NKAIN3: variants seen among roughly 807,000 people sequenced by gnomAD.
NKAIN3 encodes sodium/potassium transporting ATPase interacting 3, also known as sodium/potassium-transporting ATPase subunit beta-1-interacting protein 3.
In NKAIN3, 25 loss-of-function variants were observed where a neutral mutation model predicts 30.2. The ratio of observed to expected loss-of-function variants is 0.83; its 90% CI spans 0.60 to 1.16. NKAIN3 has a LOEUF of 1.16. Among genes scored for constraint, NKAIN3 ranks in the 50% most tolerant of loss-of-function variants. The probability of loss-of-function intolerance (pLI) is 0.00; values close to 1 mark genes in which losing one functional copy is unlikely to be tolerated. For missense variants in NKAIN3, 225 were observed against 254.1 expected (o/e 0.89, Z 0.78); for synonymous variants, 91 against 89.6 (o/e 1.02, Z -0.09).
rs192738617 is a variant in NKAIN3 at position 62,808,947 on chromosome 8, A to C, written c.471+61818A>C. 4.6e-3 allele frequency among the ~76,000 whole-genome samples: 699 copies of C among 152,248 alleles called. 3 individuals carry two copies. Among genetic ancestry groups the C allele is most frequent in the Middle Eastern group, 0.034 (10 of 294 alleles). On this transcript the variant is annotated intron_variant, in intron 4 of 6. Coordinates refer to ENST00000623646, the MANE Select transcript of NKAIN3 (RefSeq NM_001304533.3). ...GCTACGGGAGACCAGGGCTTATTTC[A>C]TCCCTTATCTGCAACTGTATAAGAC...
At chr8:62,582,138 C>CCTTT (rs1810324608) in intron 2 of NKAIN3, among the ~76,000 whole-genome samples, 1 of 120,144 alleles carries the variant, frequency 8.3e-6, no homozygotes, top group Non-Finnish European at 2.0e-5. Context: ...TTCCTTTCTT[C>CCTTT]CTTCCTTCCT....
chr8:62,798,075 G>A (rs1195373163), intron 4 of NKAIN3, among the ~76,000 whole-genome samples: 1 of 152,126 alleles, frequency 6.6e-6, no homozygotes, highest in African/African-American at 2.4e-5. Context: ...ACATGAAGAA[G>A]TTAAAAAATG....
intron 4 of NKAIN3, among the ~76,000 whole-genome samples, chr8:62,783,480 G>C (rs1213164702): frequency 6.6e-6 from 1 of 152,080 alleles, no homozygotes; most frequent in African/African-American, 2.4e-5. Context: ...GTTATAGCAG[G>C]TGGAGCAGAA....
At chr8:62,455,656 C>T (rs1805791439) in intron 1 of NKAIN3, among the ~76,000 whole-genome samples, 1 of 152,020 alleles carries the variant, frequency 6.6e-6, no homozygotes, top group South Asian at 2.1e-4. Context: ...GTACTTGTAC[C>T]CCCTGAACCT....
intron 4 of NKAIN3, among the ~76,000 whole-genome samples, chr8:62,778,622 C>T (rs182579255): frequency 6.6e-6 from 1 of 152,164 alleles, no homozygotes; most frequent in East Asian, 1.9e-4. Context: ...TCTCCTCTGG[C>T]CCAGAACAGG....
intron 1 of NKAIN3, among the ~76,000 whole-genome samples, chr8:62,502,457 T>C (rs1807486687): frequency 6.6e-6 from 1 of 152,104 alleles, no homozygotes; most frequent in African/African-American, 2.4e-5. Flanking sequence ...CATGTAATTT[T>C]CCAGAGTTAA....
intron 3 of NKAIN3, among the ~76,000 whole-genome samples, chr8:62,646,856 C>T (rs190407208): frequency 3.9e-5 from 6 of 152,164 alleles, no homozygotes; most frequent in Non-Finnish European, 7.4e-5. Flanking sequence ...AAAATAAAAA[C>T]TCCAAGATAG....
intron 1 of NKAIN3, among the ~76,000 whole-genome samples, chr8:62,407,870 AC>A (rs937681474): frequency 2.6e-5 from 4 of 152,186 alleles, no homozygotes; most frequent in Non-Finnish European, 5.9e-5. Flanking sequence ...CGTCTCTACA[AC>A]ATACATATAT....
intron 1 of NKAIN3, among the ~76,000 whole-genome samples, chr8:62,364,233 A>G (rs1205635670): frequency 6.6e-6 from 1 of 152,238 alleles, no homozygotes; most frequent in African/African-American, 2.4e-5. Flanking sequence ...CTTAATGTGT[A>G]TATTAATTGG....
intron 1 of NKAIN3, among the ~76,000 whole-genome samples, chr8:62,297,795 C>T (rs1385772096): frequency 1.3e-5 from 2 of 152,144 alleles, no homozygotes; most frequent in African/African-American, 4.8e-5. Context: ...ACTAGAAATA[C>T]CATTTTGCCC....
chr8:62,570,726 C>A (rs991244457), intron 1 of NKAIN3, among the ~76,000 whole-genome samples: 1 of 152,074 alleles, frequency 6.6e-6, no homozygotes, highest in Admixed American at 6.6e-5. Flanking sequence ...CAAACCATAT[C>A]ATTTCACCTC....
Position 62,972,908 on chromosome 8 carries a change from G to C in NKAIN3, c.*7501G>C, listed in dbSNP as rs980448183. ...TTCTCATTGTTCAACTCCCACTTAA[G>C]AGTAAGAATATGCAGTGTTTGTTTT... is the stretch of plus-strand genomic sequence containing the variant. On this transcript the variant is annotated 3_prime_UTR_variant, in exon 7 of 7. Coordinates refer to ENST00000623646, the MANE Select transcript of NKAIN3 (RefSeq NM_001304533.3). Among the ~76,000 whole-genome samples, 8 of 130,882 alleles carry C rather than the reference G, an allele frequency of 6.1e-5. No individual in the cohort carries two copies. Among genetic ancestry groups the C allele is most frequent in the Non-Finnish European group, 1.0e-4 (6 of 59,872 alleles). The allele number at this position is 130,882 out of a possible 152,430, so 85.9% of individuals were successfully genotyped here.
At chr8:62,559,177 T>C (rs1453995698) in intron 1 of NKAIN3, among the ~76,000 whole-genome samples, 1 of 152,000 alleles carries the variant, frequency 6.6e-6, no homozygotes, top group Non-Finnish European at 1.5e-5. Flanking sequence ...GATCTAGTTG[T>C]TTGATTATAT....
intron 1 of NKAIN3, among the ~76,000 whole-genome samples, chr8:62,559,462 C>A (rs988793484): frequency 2.6e-5 from 4 of 151,928 alleles, no homozygotes; most frequent in Non-Finnish European, 4.4e-5. Context: ...TTTTCACTTT[C>A]TGTTTTTTCT....
chr8:62,525,384 C>T (rs1808271954), intron 1 of NKAIN3, among the ~76,000 whole-genome samples: 1 of 152,148 alleles, frequency 6.6e-6, no homozygotes, highest in South Asian at 2.1e-4. Context: ...TATACAAAGG[C>T]ATTGCATGCA....
intron 4 of NKAIN3, among the ~76,000 whole-genome samples, chr8:62,811,544 A>G (rs1182959603): frequency 1.3e-5 from 2 of 151,792 alleles, no homozygotes; most frequent in African/African-American, 4.8e-5. Context: ...CATTATTGTC[A>G]TTATTTCTTT....
chr8:62,332,629 A>C (rs1285836466), intron 1 of NKAIN3, among the ~76,000 whole-genome samples: 4 of 152,148 alleles, frequency 2.6e-5, no homozygotes, highest in African/African-American at 9.6e-5. Context: ...TAACCCTGCT[A>C]ACCTGTGAAT....
At chr8:62,522,700 T>TA (rs1444585594) in intron 1 of NKAIN3, among the ~76,000 whole-genome samples, 11 of 151,752 alleles carry the variant, frequency 7.2e-5, no homozygotes, top group Admixed American at 7.2e-4. Flanking sequence ...TTTAAAAAGT[T>TA]AAAAAGAGTT....
At chr8:62,270,416 A>G (rs1044314539) in intron 1 of NKAIN3, among the ~76,000 whole-genome samples, 1 of 152,038 alleles carries the variant, frequency 6.6e-6, no homozygotes, top group Non-Finnish European at 1.5e-5. Context: ...GCTCATATGC[A>G]ATGTGTTTTT....
Sources: gnomAD v4.1 joint callset for allele counts (sites outside exome capture counted in the v4.1 genomes callset) on GRCh38, gnomAD v4.1.1 for gene constraint, MANE v1.5 for transcripts, NCBI Gene and HGNC (gene_info 2026-07-23, HGNC 2026-07-21) for gene names.